Variants in LRRC41 observed in about 807,000 individuals in gnomAD.
LRRC41 encodes the protein leucine rich repeat containing 41.
A neutral mutation model predicts 72.1 loss-of-function variants in LRRC41; 17 were observed. That is an observed-to-expected ratio of 0.24 (90% CI 0.16 to 0.35). The LOEUF (loss-of-function observed/expected upper bound fraction) is 0.35. Among genes scored for constraint, LRRC41 ranks in the 10% least tolerant of loss-of-function variants. The pLI is 1.00. For synonymous variants in LRRC41, 427 were observed against 431.0 expected, an observed-to-expected ratio of 0.99 and a Z score of 0.11; for missense variants, 759 against 1,065.0, an observed-to-expected ratio of 0.71 and a Z score of 4.00.
chr1:46,291,552 GTTTTTT>G (rs1219656700), intron 3 of LRRC41, among the ~76,000 whole-genome samples: 3 of 84,942 alleles, frequency 3.5e-5, no homozygotes, highest in Non-Finnish European at 6.6e-5. Flanking sequence ...GCCCCAGCTG[GTTTTTT>G]TTTTTTTTTT....
At chr1:46,280,989 AGG>A in intron 5 of LRRC41, 134 bp downstream of exon 5, 1 of 1,234,380 alleles carries the variant, frequency 8.1e-7, no homozygotes. Flanking sequence ...TAGGCTCTAA[AGG>A]GGGGATAGGT....
At chr1:46,290,344 G>A (rs143757443) in intron 3 of LRRC41, among the ~76,000 whole-genome samples, 2 of 152,298 alleles carry the variant, frequency 1.3e-5, no homozygotes, top group Non-Finnish European at 2.9e-5. Flanking sequence ...GGGAGGTTGA[G>A]GCTGCAGTGA....
At position 46,279,705 on chromosome 1, in the gene LRRC41, CATT is replaced by C. The variant is rs1660729408; in HGVS notation, c.2021-94_2021-92del. 3 of 1,471,194 alleles carry C rather than the reference CATT, an allele frequency of 2.0e-6. No individual in the cohort carries two copies. Among genetic ancestry groups the C allele is most frequent in the East Asian group, 2.3e-5 (1 of 44,024 alleles). The allele number at this position is 1,471,194 out of a possible 1,614,324, so 91.1% of individuals were successfully genotyped here. A position where few individuals can be genotyped will look rare whatever the true frequency, so the allele number is the denominator to read the frequency against. ...AGTTGGCCCTAGCAAGGGGTATTAA[CATT>C]ATAGAGGCCCAAAAAGAGGAAGGAA... On this transcript the variant is annotated intron_variant, in intron 7 of 9. Coordinates refer to ENST00000617190, the MANE Select transcript of LRRC41 (RefSeq NM_006369.5). This position sits in a 1 kb window ranked among gnomAD's most constrained non-coding sequence, Gnocchi z 4.5.
At chr1:46,288,331 T>C (rs1660926578) in intron 3 of LRRC41, among the ~76,000 whole-genome samples, 1 of 152,336 alleles carries the variant, frequency 6.6e-6, no homozygotes, top group Non-Finnish European at 1.5e-5. Flanking sequence ...TGGACTTCTC[T>C]GAACCTCTTC....
chr1:46,298,281 C>A lies in LRRC41; in HGVS notation c.286+3G>T. On this transcript the variant is annotated splice_donor_region_variant and intron_variant, in intron 2 of 9. Coordinates refer to ENST00000617190, the MANE Select transcript of LRRC41 (RefSeq NM_006369.5). ...ACTGAGAAAGAGACAGAAAGATACT[C>A]ACCTTTCTTGAGGGCAGTTTCCTCA... is the stretch of plus-strand genomic sequence containing the variant. 6.4e-7 allele frequency: 1 copy of A among 1,574,268 alleles called. No homozygotes were observed.
At position 46,278,230 on chromosome 1, in the gene LRRC41, T is replaced by A; in HGVS notation, c.*635A>T. On this transcript the variant is annotated 3_prime_UTR_variant, in exon 10 of 10. Transcript: ENST00000617190. ...GCCTGGGATGCTGCCTCCACTGCCA[T>A]CACCTTCGTCTTCCACCAGCGTTCT... 1 of 1,613,938 alleles carries A rather than the reference T, an allele frequency of 6.2e-7. No homozygotes were observed. The highest frequency in any genetic ancestry group is 8.5e-7 in the Non-Finnish European group (1 of 1,179,974).
Position 46,279,732 on chromosome 1 carries a change from A to C in LRRC41, c.2021-118T>G, listed in dbSNP as rs1366982430. 4 of 1,219,970 alleles carry C rather than the reference A, an allele frequency of 3.3e-6. No individual in the cohort carries two copies. In the African/African-American group the frequency reaches 6.1e-5, roughly 18 times the overall value. 75.6% of individuals were successfully genotyped at this position (1,219,970 alleles called of 1,614,324 possible). A position where few individuals can be genotyped will look rare whatever the true frequency, so the allele number is the denominator to read the frequency against. ...TTATAGAGGCCCAAAAAGAGGAAGG[A>C]ATTTGTCTAGACTCCAAGCAAGGCT... On this transcript the variant is annotated intron_variant, in intron 7 of 9. Transcript: ENST00000617190. The surrounding 1 kb of genome is among the most constrained non-coding windows in gnomAD (Gnocchi z 4.5).
At chr1:46,283,416 C>T (rs550196556) in intron 4 of LRRC41, among the ~76,000 whole-genome samples, 26 of 152,212 alleles carry the variant, frequency 1.7e-4, no homozygotes, top group Non-Finnish European at 2.6e-4. Context: ...GCCAAGAGTT[C>T]GAGACCAGCC....
rs534793859 is a variant in LRRC41 at position 46,287,265 on chromosome 1, C to T, written c.358-766G>A. Among the ~76,000 whole-genome samples the T allele has an allele frequency of 7.9e-5, 12 of 152,270 alleles. No individual in the cohort carries two copies. In the South Asian group the frequency reaches 1.2e-3, roughly 16 times the overall value. ...CTGGGACTACAGGCACCCGCCACCA[C>T]GCCAGGCTAATTTTTTGTATTTTTA... On this transcript the variant is annotated intron_variant, in intron 3 of 9. Transcript: ENST00000617190.
Position 46,302,682 on chromosome 1 carries a change from C to A in LRRC41, c.199+442G>T. The A allele has an allele frequency of 1.0e-6, 1 of 985,412 alleles. No individual in the cohort carries two copies. Among genetic ancestry groups the A allele is most frequent in the Non-Finnish European group, 1.2e-6 (1 of 829,914 alleles). The allele number at this position is 985,412 out of a possible 1,614,324, so 61.0% of individuals were successfully genotyped here. ...GGCCATCAGTCAGGTTCGGTGGCCCCGGGCCTGGCCTGGCCTTGCCTTAGG... is the reference window on the plus strand; with the variant it reads ...GGCCATCAGTCAGGTTCGGTGGCCCAGGGCCTGGCCTGGCCTTGCCTTAGG... On this transcript the variant is annotated intron_variant, in intron 1 of 9. Transcript: ENST00000617190. This position sits in a 1 kb window ranked among gnomAD's most constrained non-coding sequence, Gnocchi z 4.7.
Position 46,278,353 on chromosome 1 carries a change from C to T in LRRC41, c.*512G>A. 2 of 1,484,200 alleles carry T rather than the reference C, an allele frequency of 1.3e-6. No homozygotes were observed. The highest frequency in any genetic ancestry group is 1.8e-6 in the Non-Finnish European group (2 of 1,086,768). 91.9% of individuals were successfully genotyped at this position (1,484,200 alleles called of 1,614,324 possible). A position where few individuals can be genotyped will look rare whatever the true frequency, so the allele number is the denominator to read the frequency against. Reference sequence around the variant, plus strand: ...AAAGGGGCTCCTTGCTCCACAGGGCCCTGTTGAATTTTGTTCTCTGGGAGA... The same window carrying T: ...AAAGGGGCTCCTTGCTCCACAGGGCTCTGTTGAATTTTGTTCTCTGGGAGA... On this transcript the variant is annotated 3_prime_UTR_variant, in exon 10 of 10. Coordinates refer to ENST00000617190, the MANE Select transcript of LRRC41 (RefSeq NM_006369.5).
Position 46,286,091 on chromosome 1 carries a change from G to A in LRRC41, c.766C>T (p.Pro256Ser). 6.2e-7 allele frequency: 1 copy of A among 1,611,904 alleles called. No individual in the cohort carries two copies. The highest frequency in any genetic ancestry group is 1.1e-5 in the South Asian group (1 of 91,062). Residue 256 changes from proline (P) to serine (S), a missense_variant, in exon 4 of 10, where the codon CCA becomes TCA. Around this residue, in one of 4 missense-constraint regions of LRRC41, gnomAD observed 427 missense variants for 520.9 expected, o/e 0.82. Coordinates refer to ENST00000617190, the MANE Select transcript of LRRC41 (RefSeq NM_006369.5). The surrounding 1 kb of genome is among the most constrained non-coding windows in gnomAD (Gnocchi z 5.5). ...CGGCAGGGTGGGCCACCAGGCCCTGGTTGCCAGAAGCCAGCACTCATGGTG... is the reference window on the plus strand; with the variant it reads ...CGGCAGGGTGGGCCACCAGGCCCTGATTGCCAGAAGCCAGCACTCATGGTG... ...ILTMSAGFWQ[P>S]GPGGPPCRLC... is the part of the protein sequence containing the mutation.
rs372669069 is a variant in LRRC41 at position 46,278,856 on chromosome 1, C to T, written c.*9G>A. ...GTACCGAGCATGAGACTGTGAGGTA[C>T]GGGCCCCATCACATGGTGCTAACAT... On this transcript the variant is annotated 3_prime_UTR_variant, in exon 10 of 10. Coordinates refer to ENST00000617190, the MANE Select transcript of LRRC41 (RefSeq NM_006369.5). 22 of 1,604,786 alleles carry T rather than the reference C, an allele frequency of 1.4e-5. No individual in the cohort carries two copies. The highest frequency in any genetic ancestry group is 2.7e-5 in the African/African-American group (2 of 74,860).
intron 3 of LRRC41, among the ~76,000 whole-genome samples, chr1:46,289,531 G>A (rs575050107): frequency 2.0e-5 from 3 of 152,126 alleles, no homozygotes; most frequent in Admixed American, 1.3e-4. Context: ...GGAGGCCGAG[G>A]CGGGGGGGAT....
At position 46,279,900 on chromosome 1, in the gene LRRC41, CTA is replaced by C. The variant is rs367585331; in HGVS notation, c.2021-288_2021-287del. ...GCGGGGGTGGGGATCAGAGAAAAGT[CTA>C]TGAGGGGAGCCTGGCACAGTACATT... On this transcript the variant is annotated intron_variant, in intron 7 of 9. Coordinates refer to ENST00000617190, the MANE Select transcript of LRRC41 (RefSeq NM_006369.5). The surrounding 1 kb of genome is among the most constrained non-coding windows in gnomAD (Gnocchi z 4.5). Among the ~76,000 whole-genome samples, 159 of 152,312 alleles carry C rather than the reference CTA, an allele frequency of 1.0e-3. 2 individuals are homozygous for C. The South Asian group carries it at 0.017, about 16-fold the overall frequency.
rs374245244 is a variant in LRRC41, at chr1:46,285,171, A to G, written c.1495+191T>C. ...TCAGGAACCCCTGCTTTCAACAACT[A>G]ATCAAGTGTATAGACTTTATGTTCC... On this transcript the variant is annotated intron_variant, in intron 4 of 9. Transcript: ENST00000617190. This position sits in a 1 kb window ranked among gnomAD's most constrained non-coding sequence, Gnocchi z 5.3. 2.1e-5 allele frequency: 13 copies of G among 619,862 alleles called. No homozygotes were observed. The highest frequency in any genetic ancestry group is 2.0e-4 in the African/African-American group (11 of 54,164). 38.4% of individuals were successfully genotyped at this position (619,862 alleles called of 1,614,324 possible). A position where few individuals can be genotyped will look rare whatever the true frequency, so the allele number is the denominator to read the frequency against.
At position 46,279,277 on chromosome 1, in the gene LRRC41, GC is replaced by G. The variant is rs1184353005; in HGVS notation, c.2144-21del. ...CATTCCCTGGAGAGAAGGGGAGAAC[GC>G]CTATCACCTCCACCCAAGAACAGGG... is the stretch of plus-strand genomic sequence containing the variant. On this transcript the variant is annotated intron_variant, in intron 8 of 9. Transcript: ENST00000617190. This position sits in a 1 kb window ranked among gnomAD's most constrained non-coding sequence, Gnocchi z 4.5. 1.2e-6 allele frequency: 2 copies of G among 1,612,534 alleles called. No individual in the cohort carries two copies. The highest frequency in any genetic ancestry group is 8.5e-7 in the Non-Finnish European group (1 of 1,178,606).
intron 1 of LRRC41, chr1:46,299,037 T>G (rs960477718): frequency 4.6e-5 from 7 of 152,222 alleles, no homozygotes; most frequent in African/African-American, 1.7e-4. Flanking sequence ...AACTAGTACT[T>G]TCCTATGAAG....
chr1:46,299,832 G>A (rs948875976), intron 1 of LRRC41: 1 of 150,264 alleles, frequency 6.7e-6, no homozygotes. Context: ...AGCCGAGATG[G>A]CGCCACTGCA....
Sources: allele counts gnomAD v4.1 joint callset (sites outside exome capture counted in the v4.1 genomes callset), GRCh38; gene constraint gnomAD v4.1.1; regional missense constraint gnomAD v4.1.1; non-coding constraint Gnocchi (gnomAD v3.1); transcripts MANE v1.5; gene names NCBI Gene and HGNC (gene_info 2026-07-23, HGNC 2026-07-21).